NTNG1: variants seen among roughly 807,000 people sequenced by gnomAD.
NTNG1 encodes the protein netrin-G1.
Under a neutral mutation model 54.0 loss-of-function variants are expected in NTNG1, and 16 were observed. The ratio of observed to expected loss-of-function variants is 0.30; its 90% CI spans 0.20 to 0.45. NTNG1 has a LOEUF of 0.45. NTNG1 is among the 20% of genes least tolerant of loss of function. The pLI, the probability that NTNG1 is intolerant of heterozygous loss-of-function variation, is 1.00. For missense variants in NTNG1, 530 were observed against 678.7 expected (o/e 0.78, Z 2.43); for synonymous variants, 255 against 263.1 (o/e 0.97, Z 0.30).
At chr1:107,321,818 G>A (rs1171754689) in intron 2 of NTNG1, among the ~76,000 whole-genome samples, 2 of 151,976 alleles carry the variant, frequency 1.3e-5, no homozygotes, top group East Asian at 3.9e-4. Flanking sequence ...TCTACAACAG[G>A]GCTACAACAG....
intron 2 of NTNG1, among the ~76,000 whole-genome samples, chr1:107,228,611 G>C (rs1462143710): frequency 6.6e-6 from 1 of 152,154 alleles, no homozygotes; most frequent in Non-Finnish European, 1.5e-5. Flanking sequence ...CTATGGGTGA[G>C]ATAGTTTACA....
chr1:107,217,628 C>A (rs1268861112), intron 2 of NTNG1, among the ~76,000 whole-genome samples: 1 of 152,006 alleles, frequency 6.6e-6, no homozygotes, highest in Non-Finnish European at 1.5e-5. Context: ...TTGCTATATC[C>A]CAGAGGTTTT....
intron 3 of NTNG1, among the ~76,000 whole-genome samples, chr1:107,343,785 T>C (rs1395090626): frequency 6.6e-6 from 1 of 152,158 alleles, no homozygotes; most frequent in Non-Finnish European, 1.5e-5. Context: ...TCTTTGTTTG[T>C]TCTCGTGAAA....
intron 2 of NTNG1, among the ~76,000 whole-genome samples, chr1:107,162,984 A>G (rs1342181615): frequency 6.6e-6 from 1 of 152,204 alleles, no homozygotes; most frequent in African/African-American, 2.4e-5. Context: ...TCTATTTCCA[A>G]TTAAAACCAC....
At chr1:107,150,315 C>G (rs1378157342) in intron 2 of NTNG1, among the ~76,000 whole-genome samples, 1 of 152,130 alleles carries the variant, frequency 6.6e-6, no homozygotes, top group Admixed American at 6.6e-5. Context: ...CATAATAAAT[C>G]AGTACAGGAG....
At chr1:107,216,828 C>A (rs1407108422) in intron 2 of NTNG1, among the ~76,000 whole-genome samples, 4 of 152,052 alleles carry the variant, frequency 2.6e-5, no homozygotes, top group Non-Finnish European at 5.9e-5. Flanking sequence ...CAGGCATGTA[C>A]CACCACGACC....
chr1:107,304,940 T>C (rs1037116830), intron 2 of NTNG1, among the ~76,000 whole-genome samples: 2 of 152,158 alleles, frequency 1.3e-5, no homozygotes, highest in Non-Finnish European at 2.9e-5. Flanking sequence ...CCTGTGTCCA[T>C]GTGTTCTCAT....
chr1:107,199,637 G>A (rs555690660), intron 2 of NTNG1, among the ~76,000 whole-genome samples: 1 of 151,802 alleles, frequency 6.6e-6, no homozygotes, highest in African/African-American at 2.4e-5. Context: ...AATTACCAGA[G>A]GACACAGATT....
intron 7 of NTNG1, among the ~76,000 whole-genome samples, chr1:107,476,229 T>C (rs1212208331): frequency 6.6e-6 from 1 of 152,152 alleles, no homozygotes; most frequent in Non-Finnish European, 1.5e-5. Context: ...CAGCATCCTT[T>C]ATGGTCTTTC....
chr1:107,346,260 A>G (rs1197314480), intron 3 of NTNG1, among the ~76,000 whole-genome samples: 3 of 152,220 alleles, frequency 2.0e-5, no homozygotes, highest in Admixed American at 2.0e-4. Context: ...AGGAAACTGC[A>G]TTTCTTTGGC....
intron 2 of NTNG1, among the ~76,000 whole-genome samples, chr1:107,238,313 C>T (rs1661555940): frequency 6.6e-6 from 1 of 152,164 alleles, no homozygotes; most frequent in African/African-American, 2.4e-5. Context: ...ATGCTTATTA[C>T]CCCCATTGTA....
chr1:107,433,882 A>G lies in NTNG1; in HGVS notation c.1256-2783A>G, dbSNP rs536295991. The stretch of plus-strand genomic sequence containing the variant: ...TGGCTCCTTTGCTAAGGTTTGCCCT[A>G]TGAGACAGCATGAACCTATTTGCTA... On this transcript the variant is annotated intron_variant, in intron 6 of 7. Coordinates refer to ENST00000370068, the MANE Select transcript of NTNG1 (RefSeq NM_001113226.3). 6.6e-5 allele frequency among the ~76,000 whole-genome samples: 10 copies of G among 152,326 alleles called. No individual in the cohort carries two copies. In the East Asian group the frequency reaches 1.9e-3, roughly 29 times the overall value.
At chr1:107,324,950 G>A in intron 3 of NTNG1, 28 bp downstream of exon 3, 1 of 1,577,806 alleles carries the variant, frequency 6.3e-7, no homozygotes. Context: ...TGCCTTCAAT[G>A]GGAACGGGTG....
chr1:107,415,324 A>G (rs1252437087), intron 5 of NTNG1, among the ~76,000 whole-genome samples: 2 of 152,190 alleles, frequency 1.3e-5, no homozygotes, highest in East Asian at 3.8e-4. Flanking sequence ...TCCTCATCAC[A>G]CAAGGAATTC....
rs774083297 is a variant in NTNG1, at chr1:107,376,419, A to AAC, written c.888-18734_888-18733insCA. On this transcript the variant is annotated intron_variant, in intron 3 of 7. Coordinates refer to ENST00000370068, the MANE Select transcript of NTNG1 (RefSeq NM_001113226.3). ...TGAGACTCCGTCTCAAAACAAAACA[A>AAC]AAAAAAAAACAAAAAAAAAAAATTT... Among the ~76,000 whole-genome samples the AAC allele has an allele frequency of 1.2e-3, 185 of 151,406 alleles. 2 individuals carry two copies. The highest frequency in any genetic ancestry group is 4.1e-3 in the African/African-American group (168 of 41,260).
intron 2 of NTNG1, among the ~76,000 whole-genome samples, chr1:107,273,858 A>T (rs973940434): frequency 1.3e-5 from 2 of 152,200 alleles, no homozygotes; most frequent in Admixed American, 1.3e-4. Flanking sequence ...CATCAAGCTT[A>T]ATAGTTTCAC....
At chr1:107,151,826 G>C (rs1179267589) in intron 2 of NTNG1, among the ~76,000 whole-genome samples, 3 of 152,066 alleles carry the variant, frequency 2.0e-5, no homozygotes, top group Non-Finnish European at 4.4e-5. Flanking sequence ...TTTAACAATA[G>C]ATCTCTGCTT....
At chr1:107,237,746 C>A (rs1570929313) in intron 2 of NTNG1, among the ~76,000 whole-genome samples, 1 of 152,292 alleles carries the variant, frequency 6.6e-6, no homozygotes, top group East Asian at 1.9e-4. Context: ...GTCTTGGCAG[C>A]TTCCAAGTGG....
intron 2 of NTNG1, among the ~76,000 whole-genome samples, chr1:107,258,480 C>T (rs910815970): frequency 3.9e-5 from 6 of 151,978 alleles, no homozygotes; most frequent in Admixed American, 3.9e-4. Flanking sequence ...AACTTAGATC[C>T]TTTTTAGTGG....
Sources: gnomAD v4.1 joint callset for allele counts (sites outside exome capture counted in the v4.1 genomes callset) on GRCh38, gnomAD v4.1.1 for gene constraint, MANE v1.5 for transcripts, NCBI Gene and HGNC (gene_info 2026-07-23, HGNC 2026-07-21) for gene names.